RIN2: variants seen among roughly 807,000 people sequenced by gnomAD.
The protein encoded by RIN2 is Ras and Rab interactor 2, also known as RAB5 interacting protein 2.
RIN2 carries 36 observed loss-of-function variants against 78.0 expected under a neutral mutation model. The ratio of observed to expected loss-of-function variants is 0.46; its 90% CI spans 0.35 to 0.61. The LOEUF is 0.61. Ranked by LOEUF, RIN2 falls within the 20% of genes least tolerant of loss-of-function variation. The pLI is 0.00. For missense variants in RIN2, 1,087 were observed against 1,159.7 expected (o/e 0.94, Z 0.91); for synonymous variants, 466 against 466.8 (o/e 1.00, Z 0.02).
intron 3 of RIN2, among the ~76,000 whole-genome samples, chr20:19,903,652 C>G (rs1485842508): frequency 1.3e-5 from 2 of 152,162 alleles, no homozygotes; most frequent in Non-Finnish European, 2.9e-5. Context: ...GCCAAACTTC[C>G]TCCAATGACC....
At chr20:19,860,898 G>C (rs1202357493) in intron 2 of RIN2, among the ~76,000 whole-genome samples, 2 of 152,172 alleles carry the variant, frequency 1.3e-5, no homozygotes, top group Non-Finnish European at 2.9e-5. Flanking sequence ...AGCCATAAAA[G>C]AGGTGGCACA....
intron 3 of RIN2, among the ~76,000 whole-genome samples, chr20:19,930,702 A>G (rs1241049962): frequency 6.6e-6 from 1 of 152,176 alleles, no homozygotes; most frequent in Non-Finnish European, 1.5e-5. Flanking sequence ...GCCACGGTCC[A>G]GAATGAAGCA....
rs77967102 is a variant in RIN2 at position 19,831,625 on chromosome 20, G to A, written c.-37+31878G>A. Among the ~76,000 whole-genome samples the A allele has an allele frequency of 9.4e-3, 1,428 of 152,244 alleles. 20 individuals are homozygous for A. The highest frequency in any genetic ancestry group is 0.033 in the African/African-American group (1,355 of 41,536). On this transcript the variant is annotated intron_variant, in intron 2 of 12. Coordinates refer to ENST00000255006, the MANE Select transcript of RIN2 (RefSeq NM_018993.4). ...TGATTTCAAAGATAAAGTTAAGCCC[G>A]TCAAGTACTTGAGATTATATCAGTG...
At chr20:19,842,521 C>T (rs10446038) in intron 2 of RIN2, among the ~76,000 whole-genome samples, 4,576 of 150,934 alleles carry the variant, frequency 0.03, 95 homozygotes, top group Non-Finnish European at 0.042. Flanking sequence ...GGATTACAGG[C>T]GTAAGCCACT....
At chr20:19,897,444 C>T (rs1410363968) in intron 3 of RIN2, among the ~76,000 whole-genome samples, 2 of 152,148 alleles carry the variant, frequency 1.3e-5, no homozygotes, top group Admixed American at 6.5e-5. Flanking sequence ...AGTATCCACA[C>T]GTGGCTGGCA....
intron 2 of RIN2, among the ~76,000 whole-genome samples, chr20:19,802,515 C>T (rs1460785061): frequency 6.6e-6 from 1 of 151,086 alleles, no homozygotes; most frequent in East Asian, 1.9e-4. Context: ...TGGGGCTTGG[C>T]CTCCCTCCCT....
chr20:19,973,562 G>A (rs1050989573), intron 8 of RIN2, among the ~76,000 whole-genome samples: 2 of 152,220 alleles, frequency 1.3e-5, no homozygotes, highest in Admixed American at 1.3e-4. Flanking sequence ...GCCAAGGCAG[G>A]TGGATCACCT....
At chr20:19,886,849 T>C (rs1484436070) in intron 2 of RIN2, 2 of 910,564 alleles carry the variant, frequency 2.2e-6, no homozygotes, top group Non-Finnish European at 3.4e-6. Context: ...TGGGGTGACA[T>C]CTGTGGGGAG....
chr20:19,994,745 G>A (rs2042902861), intron 11 of RIN2, among the ~76,000 whole-genome samples: 1 of 152,018 alleles, frequency 6.6e-6, no homozygotes, highest in African/African-American at 2.4e-5. Context: ...AATTCTCCAT[G>A]TAGCATCTGT....
intron 1 of RIN2, among the ~76,000 whole-genome samples, chr20:19,763,440 G>A (rs1329958619): frequency 1.3e-5 from 2 of 152,094 alleles, no homozygotes; most frequent in African/African-American, 4.8e-5. Flanking sequence ...ACAGAGAAGT[G>A]TGGAATGTCA....
At chr20:19,854,066 A>G (rs1300112627) in intron 2 of RIN2, among the ~76,000 whole-genome samples, 1 of 152,206 alleles carries the variant, frequency 6.6e-6, no homozygotes, top group African/African-American at 2.4e-5. Flanking sequence ...ATAAGGTGTA[A>G]GGAAGGGATC....
At position 20,001,719 on chromosome 20, in the gene RIN2, T is replaced by C. The variant is rs970553740; in HGVS notation, c.*783T>C. ...TTGTTCACGTTTAGTGGTGTTTTGC[T>C]GTTTTGTTTTTTAAACAAATGATGC... On this transcript the variant is annotated 3_prime_UTR_variant, in exon 13 of 13. Coordinates refer to ENST00000255006, the MANE Select transcript of RIN2 (RefSeq NM_018993.4). 6.6e-6 allele frequency: 1 copy of C among 152,606 alleles called. No homozygotes were observed. The highest frequency in any genetic ancestry group is 6.5e-5 in the Admixed American group (1 of 15,280). The allele number at this position is 152,606 out of a possible 1,614,324, so 9.5% of individuals were successfully genotyped here. A position where few individuals can be genotyped will look rare whatever the true frequency, so the allele number is the denominator to read the frequency against.
chr20:19,997,370 C>T (rs1451304528), intron 12 of RIN2, among the ~76,000 whole-genome samples: 1 of 152,194 alleles, frequency 6.6e-6, no homozygotes, highest in Non-Finnish European at 1.5e-5. Flanking sequence ...GGTTCCCTGG[C>T]CAGGGCTTTT....
intron 4 of RIN2, among the ~76,000 whole-genome samples, chr20:19,949,342 G>A (rs2041223312): frequency 6.6e-6 from 1 of 152,196 alleles, no homozygotes; most frequent in Admixed American, 6.5e-5. Context: ...TACACACATA[G>A]AGGAGGTTTA....
At chr20:19,819,426 A>G (rs1462393485) in intron 2 of RIN2, among the ~76,000 whole-genome samples, 1 of 152,232 alleles carries the variant, frequency 6.6e-6, no homozygotes, top group Non-Finnish European at 1.5e-5. Flanking sequence ...ATAACTTCAC[A>G]GTGGAGATTA....
intron 2 of RIN2, among the ~76,000 whole-genome samples, chr20:19,803,334 T>TA (rs1202301386): frequency 2.0e-5 from 3 of 152,168 alleles, no homozygotes; most frequent in Non-Finnish European, 4.4e-5. Context: ...CTACCTGAGT[T>TA]AAAACTATAC....
At chr20:19,872,277 A>T (rs2037712330) in intron 2 of RIN2, 1 of 152,132 alleles carries the variant, frequency 6.6e-6, no homozygotes, top group Non-Finnish European at 1.5e-5. Context: ...TCTTTCCTTT[A>T]TAAATGACCC....
At chr20:19,782,059 C>G (rs2034527330) in intron 1 of RIN2, among the ~76,000 whole-genome samples, 1 of 152,114 alleles carries the variant, frequency 6.6e-6, no homozygotes, top group Non-Finnish European at 1.5e-5. Context: ...ACAGTTAACC[C>G]TTCCTTATCT....
Position 19,830,548 on chromosome 20 carries a change from C to G in RIN2, c.-37+30801C>G, listed in dbSNP as rs116771014. Among the ~76,000 whole-genome samples, 1,152 of 152,338 alleles carry G rather than the reference C, an allele frequency of 7.6e-3. 14 individuals carry two copies. The highest frequency in any genetic ancestry group is 0.026 in the African/African-American group (1,066 of 41,562). On this transcript the variant is annotated intron_variant, in intron 2 of 12. Transcript: ENST00000255006. Reference sequence around the variant, plus strand: ...CATACCAGCAAATGTTTATCACAACCTACTCAAGGCCAGTCATTCAGTTTC... The same window carrying G: ...CATACCAGCAAATGTTTATCACAACGTACTCAAGGCCAGTCATTCAGTTTC...
Sources: allele counts gnomAD v4.1 joint callset (sites outside exome capture counted in the v4.1 genomes callset), GRCh38; gene constraint gnomAD v4.1.1; transcripts MANE v1.5; gene names NCBI Gene and HGNC (gene_info 2026-07-23, HGNC 2026-07-21).